Variants in ATP8B4 observed in about 807,000 individuals in gnomAD.
ATP8B4 encodes the protein ATPase phospholipid transporting 8B4 (putative), also known as probable phospholipid-transporting ATPase IM.
ATP8B4 carries 133 observed loss-of-function variants against 145.6 expected under a neutral mutation model. That is an observed-to-expected ratio of 0.91 (90% CI 0.79 to 1.05). ATP8B4 has a LOEUF of 1.05. Among genes scored for constraint, ATP8B4 ranks in the 50% least tolerant of loss-of-function variants. The probability of loss-of-function intolerance (pLI) is 0.00; values close to 1 mark genes in which losing one functional copy is unlikely to be tolerated. For synonymous variants in ATP8B4, 507 were observed against 492.9 expected (o/e 1.03, Z -0.38); for missense variants, 1,458 against 1,425.2 (o/e 1.02, Z -0.37).
At chr15:50,090,197 C>T (rs181609215) in intron 2 of ATP8B4, among the ~76,000 whole-genome samples, 76 of 152,096 alleles carry the variant, frequency 5.0e-4, no homozygotes, top group African/African-American at 1.8e-3. Flanking sequence ...GAAGAACACA[C>T]ACTGGGGCCT....
intron 14 of ATP8B4, among the ~76,000 whole-genome samples, chr15:49,942,259 A>G (rs1332726219): frequency 2.0e-5 from 3 of 152,114 alleles, no homozygotes; most frequent in Non-Finnish European, 4.4e-5. Context: ...CTACAAAAAA[A>G]AGTAATGTAC....
At chr15:49,987,106 G>A (rs555163087) in intron 10 of ATP8B4, among the ~76,000 whole-genome samples, 1 of 152,260 alleles carries the variant, frequency 6.6e-6, no homozygotes, top group East Asian at 1.9e-4. Flanking sequence ...TGGGGTTAAT[G>A]AAGAAAAATT....
intron 13 of ATP8B4, 87 bp downstream of exon 13, chr15:49,972,495 T>G: frequency 1.5e-6 from 2 of 1,312,940 alleles, no homozygotes; most frequent in Non-Finnish European, 2.1e-6. Context: ...AGCGACTGTT[T>G]TGGATTTTTA....
intron 6 of ATP8B4, among the ~76,000 whole-genome samples, chr15:50,027,780 G>A (rs532079241): frequency 1.4e-4 from 22 of 152,298 alleles, no homozygotes; most frequent in Admixed American, 3.9e-4. Flanking sequence ...ACTTAACGTC[G>A]TGGATAGGTC....
At chr15:50,125,503 A>G (rs921293119) in intron 1 of ATP8B4, among the ~76,000 whole-genome samples, 2 of 152,162 alleles carry the variant, frequency 1.3e-5, no homozygotes, top group Non-Finnish European at 2.9e-5. Flanking sequence ...CCAAGCCCCA[A>G]TTCTGTATCA....
chr15:50,054,957 C>T (rs2052494865), intron 3 of ATP8B4, among the ~76,000 whole-genome samples: 2 of 152,144 alleles, frequency 1.3e-5, no homozygotes, highest in Non-Finnish European at 2.9e-5. Flanking sequence ...CATCTCCCAT[C>T]CATAATTCCA....
intron 5 of ATP8B4, among the ~76,000 whole-genome samples, chr15:50,039,859 C>G (rs1380419084): frequency 6.6e-6 from 1 of 152,162 alleles, no homozygotes; most frequent in Non-Finnish European, 1.5e-5. Flanking sequence ...TACAATTACT[C>G]AGAATGACAG....
At chr15:49,869,998 C>T (rs2033427353) in intron 25 of ATP8B4, among the ~76,000 whole-genome samples, 2 of 152,118 alleles carry the variant, frequency 1.3e-5, no homozygotes, top group Admixed American at 1.3e-4. Flanking sequence ...GGAGTTCTAA[C>T]CCCAGAAGTC....
intron 7 of ATP8B4, among the ~76,000 whole-genome samples, chr15:50,008,296 A>G (rs1351660304): frequency 6.6e-6 from 1 of 152,174 alleles, no homozygotes; most frequent in Non-Finnish European, 1.5e-5. Context: ...CTCACCAATC[A>G]GAGAAGACAC....
rs140971891 is a variant in ATP8B4 at position 49,871,963 on chromosome 15, A to G, written c.3027+4315T>C. On this transcript the variant is annotated intron_variant, in intron 25 of 27. Coordinates refer to ENST00000284509, the MANE Select transcript of ATP8B4 (RefSeq NM_024837.4). ...TGGGCTGGGAGTATATGGATAAGGT[A>G]TAGGGAACTTCAACCCTGTAACGTG... 1.2e-4 allele frequency among the ~76,000 whole-genome samples: 18 copies of G among 152,312 alleles called. No homozygotes were observed. The East Asian group carries it at 2.5e-3, about 21-fold the overall frequency.
intron 16 of ATP8B4, among the ~76,000 whole-genome samples, chr15:49,930,115 G>T (rs1599217090): frequency 1.3e-5 from 2 of 152,146 alleles, no homozygotes; most frequent in East Asian, 3.9e-4. Context: ...GAAATTGAAG[G>T]CAAAAGCAAG....
At position 50,002,201 on chromosome 15, in the gene ATP8B4, C is replaced by T. The variant is rs748728878; in HGVS notation, c.458G>A (p.Ser153Asn). Reference protein sequence around the residue: ...FVAADLLLLSSSEPHGLCYVE... With the variant: ...FVAADLLLLSNSEPHGLCYVE... The stretch of plus-strand genomic sequence containing the variant: ...ATAACAGAGACCATGTGGCTCACTA[C>T]TTGATAGGAGAAGTAAATCAGCCTA... The change falls in exon 8 of 28, where the codon AGT becomes AAT. Residue 153 changes from serine to asparagine, a missense_variant. Physicochemically the swap from Ser to Asn is conservative, Grantham distance 46. Transcript: ENST00000284509. 3.7e-5 allele frequency: 60 copies of T among 1,610,434 alleles called. No homozygotes were observed. In the Middle Eastern group the frequency reaches 6.6e-4, roughly 18 times the overall value.
At chr15:50,106,912 G>C (rs745681047) in intron 2 of ATP8B4, 27 bp downstream of exon 2, 1 of 1,575,932 alleles carries the variant, frequency 6.3e-7, no homozygotes, top group African/African-American at 1.4e-5. Context: ...ATATCACTTT[G>C]CATCATTGGA....
intron 3 of ATP8B4, among the ~76,000 whole-genome samples, chr15:50,047,851 C>A (rs1017352248): frequency 1.3e-5 from 2 of 152,208 alleles, no homozygotes; most frequent in African/African-American, 4.8e-5. Context: ...CAAAGCATGA[C>A]CCTTTTAGAT....
intron 20 of ATP8B4, among the ~76,000 whole-genome samples, chr15:49,906,686 T>G (rs1482305883): frequency 6.6e-6 from 1 of 152,208 alleles, no homozygotes; most frequent in Non-Finnish European, 1.5e-5. Context: ...CTAATTGGAC[T>G]TTTGGAAAAA....
chr15:50,056,714 TATACAC>T (rs1567278192), intron 3 of ATP8B4, among the ~76,000 whole-genome samples: 2 of 142,472 alleles, frequency 1.4e-5, no homozygotes, highest in African/African-American at 5.5e-5. Context: ...TATATATATA[TATACAC>T]ACACACACAC....
chr15:50,153,914 A>C (rs1182789232), intron 1 of ATP8B4, among the ~76,000 whole-genome samples: 1 of 152,214 alleles, frequency 6.6e-6, no homozygotes, highest in African/African-American at 2.4e-5. Flanking sequence ...AGCCTCTTCT[A>C]ATTTTTACTA....
chr15:49,962,418 T>C (rs1460156809), intron 13 of ATP8B4, among the ~76,000 whole-genome samples: 3 of 152,210 alleles, frequency 2.0e-5, no homozygotes, highest in African/African-American at 7.2e-5. Flanking sequence ...TGCAGAACTT[T>C]GCCTATCTTG....
intron 1 of ATP8B4, among the ~76,000 whole-genome samples, chr15:50,114,069 C>T (rs527927922): frequency 1.5e-5 from 2 of 129,098 alleles, no homozygotes; most frequent in East Asian, 4.5e-4. Context: ...TCTCACATAT[C>T]CCCTGTTCAT....
Sources: allele counts gnomAD v4.1 joint callset (sites outside exome capture counted in the v4.1 genomes callset), GRCh38; gene constraint gnomAD v4.1.1; transcripts MANE v1.5; gene names NCBI Gene and HGNC (gene_info 2026-07-23, HGNC 2026-07-21).